C10orf90: variants seen among roughly 807,000 people sequenced by gnomAD.
C10orf90 encodes chromosome 10 open reading frame 90, also known as (E2-independent) E3 ubiquitin-conjugating enzyme FATS.
A neutral mutation model predicts 62.5 loss-of-function variants in C10orf90; 56 were observed. That is an observed-to-expected ratio of 0.90 (90% CI 0.72 to 1.12). C10orf90 has a LOEUF of 1.12. C10orf90 is among the 50% of genes most tolerant of loss of function. The pLI, the probability that C10orf90 is intolerant of heterozygous loss-of-function variation, is 0.00. For missense variants in C10orf90, 970 were observed against 880.4 expected, an observed-to-expected ratio of 1.10 and a Z score of -1.29; for synonymous variants, 386 against 340.4, an observed-to-expected ratio of 1.13 and a Z score of -1.47.
At chr10:126,536,913 C>T (rs1044107196) in intron 2 of C10orf90, among the ~76,000 whole-genome samples, 1 of 152,078 alleles carries the variant, frequency 6.6e-6, no homozygotes, top group Non-Finnish European at 1.5e-5. Flanking sequence ...CTCTGTGGAA[C>T]CTGCAATAGG....
chr10:126,426,025 T>C lies in C10orf90; in HGVS notation c.2318A>G (p.Gln773Arg). The change falls in exon 9 of 10, where the codon CAA becomes CGA. Residue 773 changes from glutamine to arginine, a missense_variant. Transcript: ENST00000488181. ...GACTTCGGCACGGAGTCTGTTACTT[T>C]GTAAGATCACCCTTTTCCTTTGTTC... ...KEEQRKRVIL[Q>R]SNRLRAEVFK... The C allele has an allele frequency of 1.2e-6, 2 of 1,614,236 alleles. No homozygotes were observed. The highest frequency in any genetic ancestry group is 1.7e-6 in the Non-Finnish European group (2 of 1,180,026).
At chr10:126,603,348 A>G (rs908519997) in intron 2 of C10orf90, among the ~76,000 whole-genome samples, 3 of 152,246 alleles carry the variant, frequency 2.0e-5, no homozygotes, top group Non-Finnish European at 4.4e-5. Flanking sequence ...TTATAAAACC[A>G]TCAGACCTTG....
At chr10:126,609,643 G>A (rs1845389386) in intron 2 of C10orf90, among the ~76,000 whole-genome samples, 1 of 152,226 alleles carries the variant, frequency 6.6e-6, no homozygotes, top group Non-Finnish European at 1.5e-5. Flanking sequence ...GGTGCATGAT[G>A]GGGTTGAGCA....
At chr10:126,467,696 A>G (rs1307403334) in intron 4 of C10orf90, among the ~76,000 whole-genome samples, 1 of 152,192 alleles carries the variant, frequency 6.6e-6, no homozygotes, top group Non-Finnish European at 1.5e-5. Flanking sequence ...ATTGGTTGAC[A>G]TGCCGTAGCG....
chr10:126,576,786 A>ATATG, intron 2 of C10orf90, among the ~76,000 whole-genome samples: 1 of 120,062 alleles, frequency 8.3e-6, no homozygotes, highest in Non-Finnish European at 1.8e-5. Flanking sequence ...TACATATTAT[A>ATATG]TATATATTTC....
chr10:126,559,780 A>G (rs555760368), intron 2 of C10orf90, among the ~76,000 whole-genome samples: 1 of 152,346 alleles, frequency 6.6e-6, no homozygotes, highest in South Asian at 2.1e-4. Flanking sequence ...GATACTTTAT[A>G]TAACAGCTTA....
chr10:126,661,131 A>T (rs191834199), intron 1 of C10orf90, among the ~76,000 whole-genome samples: 1 of 152,264 alleles, frequency 6.6e-6, no homozygotes, highest in East Asian at 1.9e-4. Context: ...ATCATCCTCC[A>T]GGTCACAGGA....
intron 8 of C10orf90, among the ~76,000 whole-genome samples, chr10:126,428,621 T>C (rs1162372716): frequency 6.6e-6 from 1 of 152,120 alleles, no homozygotes; most frequent in Non-Finnish European, 1.5e-5. Flanking sequence ...GATAGGGCAA[T>C]ACTCTCTGAC....
At chr10:126,545,063 T>G (rs983700611) in intron 2 of C10orf90, among the ~76,000 whole-genome samples, 2 of 152,170 alleles carry the variant, frequency 1.3e-5, no homozygotes, top group African/African-American at 4.8e-5. Flanking sequence ...TGCCTGAAAA[T>G]AAGCATCTTA....
At chr10:126,497,260 G>A (rs1862112175) in intron 4 of C10orf90, among the ~76,000 whole-genome samples, 2 of 152,212 alleles carry the variant, frequency 1.3e-5, no homozygotes, top group Admixed American at 6.5e-5. Context: ...GCTCTTCTGG[G>A]ACAGGAAGAG....
intron 4 of C10orf90, among the ~76,000 whole-genome samples, chr10:126,467,535 G>T (rs542909807): frequency 6.6e-6 from 1 of 152,262 alleles, no homozygotes; most frequent in Non-Finnish European, 1.5e-5. Context: ...GCCATCTCGA[G>T]AGCAGCCTGC....
intron 2 of C10orf90, among the ~76,000 whole-genome samples, chr10:126,586,128 G>T (rs1307143311): frequency 6.6e-6 from 1 of 152,202 alleles, no homozygotes; most frequent in Non-Finnish European, 1.5e-5. Context: ...TGGCTTTAGT[G>T]TATTTCCTAA....
At chr10:126,449,180 T>A (rs1198153857) in intron 7 of C10orf90, among the ~76,000 whole-genome samples, 1 of 152,192 alleles carries the variant, frequency 6.6e-6, no homozygotes, top group East Asian at 1.9e-4. Context: ...ATTAAAAGAC[T>A]TATTCACCAT....
chr10:126,659,734 C>G (rs559696658), intron 1 of C10orf90, among the ~76,000 whole-genome samples: 1 of 152,260 alleles, frequency 6.6e-6, no homozygotes, highest in East Asian at 1.9e-4. Flanking sequence ...AGAGCTGTTA[C>G]CTGTTTGTCC....
At chr10:126,641,832 A>C (rs930851625) in intron 2 of C10orf90, among the ~76,000 whole-genome samples, 2 of 152,282 alleles carry the variant, frequency 1.3e-5, no homozygotes, top group Non-Finnish European at 1.5e-5. Context: ...ATAGTAAACT[A>C]ATCTTTTACA....
intron 2 of C10orf90, among the ~76,000 whole-genome samples, chr10:126,543,155 T>C (rs897682557): frequency 5.9e-5 from 9 of 152,186 alleles, no homozygotes; most frequent in African/African-American, 1.7e-4. Context: ...ATTTACAGTA[T>C]AGTATATAGT....
chr10:126,459,086 G>A lies in C10orf90; in HGVS notation c.2142C>T (p.Pro714=), dbSNP rs760083866. 5 of 1,613,918 alleles carry A rather than the reference G, an allele frequency of 3.1e-6. No individual in the cohort carries two copies. Among genetic ancestry groups the A allele is most frequent in the Non-Finnish European group, 4.2e-6 (5 of 1,180,004 alleles). The change falls in exon 7 of 10, where the codon CCC becomes CCT. Residue 714 remains proline, a synonymous_variant. Coordinates refer to ENST00000488181, the MANE Select transcript of C10orf90 (RefSeq NM_001350921.2). ...EDLRQKQSLL[P]IRTSKKQFTI... ...TGAACTGCTTCTTGCTGGTGCGGATGGGAAGGAGGCTCTGCTTCTGCCTCA... is the reference window on the plus strand; with the variant it reads ...TGAACTGCTTCTTGCTGGTGCGGATAGGAAGGAGGCTCTGCTTCTGCCTCA...
At chr10:126,542,064 C>T (rs558752069) in intron 2 of C10orf90, among the ~76,000 whole-genome samples, 2 of 152,256 alleles carry the variant, frequency 1.3e-5, no homozygotes, top group East Asian at 3.9e-4. Flanking sequence ...AAGCCAGACA[C>T]AAAAGGTCAT....
intron 4 of C10orf90, among the ~76,000 whole-genome samples, chr10:126,493,450 T>C (rs1431464154): frequency 6.6e-6 from 1 of 151,666 alleles, no homozygotes; most frequent in East Asian, 1.9e-4. Context: ...AACCTCTGCC[T>C]CCCAGGTTCA....
Sources: allele counts gnomAD v4.1 joint callset (sites outside exome capture counted in the v4.1 genomes callset), GRCh38; gene constraint gnomAD v4.1.1; transcripts MANE v1.5; gene names NCBI Gene and HGNC (gene_info 2026-07-23, HGNC 2026-07-21).